PDXK: variants seen among roughly 807,000 people sequenced by gnomAD.
PDXK encodes the protein epididymis secretory sperm binding protein Li 1a.
Under a neutral mutation model 43.2 loss-of-function variants are expected in PDXK, and 15 were observed. The observed-to-expected ratio is 0.35, with a 90% CI of 0.23 to 0.53. The LOEUF (loss-of-function observed/expected upper bound fraction) is 0.53, where lower values mean the gene tolerates loss of function less well. PDXK is among the 20% of genes least tolerant of loss of function. The probability of loss-of-function intolerance (pLI) is 0.92; values close to 1 mark genes in which losing one functional copy is unlikely to be tolerated. For synonymous variants in PDXK, 172 were observed against 165.4 expected (o/e 1.04, Z -0.31); for missense variants, 343 against 417.0 (o/e 0.82, Z 1.54).
Position 43,758,102 on chromosome 21 carries a change from G to A in PDXK, c.*2039G>A, listed in dbSNP as rs2147335463. On this transcript the variant is annotated 3_prime_UTR_variant, in exon 11 of 11. Transcript: ENST00000291565. ...AGCATGAGAACGCAGTGTCAGGTGT[G>A]GGACTCCTTCTGCCCCTGCAGTGGG... The A allele has an allele frequency of 6.5e-6, 1 of 153,736 alleles. No individual in the cohort carries two copies. The highest frequency in any genetic ancestry group is 1.5e-5 in the Non-Finnish European group (1 of 68,020). 9.5% of individuals were successfully genotyped at this position (153,736 alleles called of 1,614,324 possible). A position where few individuals can be genotyped will look rare whatever the true frequency, so the allele number is the denominator to read the frequency against.
chr21:43,721,023 G>C (rs1009055874), intron 1 of PDXK, among the ~76,000 whole-genome samples: 4 of 152,226 alleles, frequency 2.6e-5, no homozygotes, highest in African/African-American at 9.6e-5. Flanking sequence ...TGGCGCTGCT[G>C]TTCCTACCTC....
At position 43,756,250 on chromosome 21, in the gene PDXK, G is replaced by A. The variant is rs1366072132; in HGVS notation, c.*187G>A. Reference sequence around the variant, plus strand: ...GTGCTTTGTGAAAAATAACAAAGTGGTCACAGAAATTTGTGATCTGAAAAC... The same window carrying A: ...GTGCTTTGTGAAAAATAACAAAGTGATCACAGAAATTTGTGATCTGAAAAC... On this transcript the variant is annotated 3_prime_UTR_variant, in exon 11 of 11. Transcript: ENST00000291565. 4 of 498,576 alleles carry A rather than the reference G, an allele frequency of 8.0e-6. No individual in the cohort carries two copies. In the Admixed American group the frequency reaches 1.4e-4, roughly 18 times the overall value. 30.9% of individuals were successfully genotyped at this position (498,576 alleles called of 1,614,324 possible). A position where few individuals can be genotyped will look rare whatever the true frequency, so the allele number is the denominator to read the frequency against.
chr21:43,730,525 C>T (rs1440950569), intron 1 of PDXK, among the ~76,000 whole-genome samples: 1 of 152,192 alleles, frequency 6.6e-6, no homozygotes, highest in African/African-American at 2.4e-5. Context: ...AAGAGCTGTG[C>T]AGCAGCCTCT....
intron 1 of PDXK, among the ~76,000 whole-genome samples, chr21:43,730,206 ACCT>A (rs1310967957): frequency 1.3e-5 from 2 of 150,850 alleles, no homozygotes. Flanking sequence ...GCTCACTGCA[ACCT>A]CCGCCTCCCA....
In PDXK at chr21:43,737,350, G is replaced by A; in HGVS notation, c.142+3227G>A. 7.7e-7 allele frequency: 1 copy of A among 1,304,634 alleles called. No individual in the cohort carries two copies. The highest frequency in any genetic ancestry group is 9.8e-7 in the Non-Finnish European group (1 of 1,022,870). 80.8% of individuals were successfully genotyped at this position (1,304,634 alleles called of 1,614,324 possible). ...CCCCGGCCAGGCCCCCGTTCCTTGA[G>A]GCCGTACCACAAGGTGCGTTCATTT... On this transcript the variant is annotated intron_variant, in intron 2 of 10. Coordinates refer to ENST00000291565, the MANE Select transcript of PDXK (RefSeq NM_003681.5). This position sits in a 1 kb window ranked among gnomAD's most constrained non-coding sequence, Gnocchi z 4.8.
At chr21:43,743,693 T>C (rs985272050) in intron 3 of PDXK, 31 bp from the exon 4 acceptor site, 8 of 1,504,990 alleles carry the variant, frequency 5.3e-6, no homozygotes, top group Non-Finnish European at 7.4e-6. Context: ...TCTCCTGTTT[T>C]CTGAGGGTGA....
intron 2 of PDXK, among the ~76,000 whole-genome samples, chr21:43,740,452 C>T (rs1397321437): frequency 6.6e-6 from 1 of 152,048 alleles, no homozygotes; most frequent in Non-Finnish European, 1.5e-5. Flanking sequence ...AAAAGGCATG[C>T]ATTAGAGGGG....
rs3216365 is a variant in PDXK at position 43,734,293 on chromosome 21, CAG to C, written c.142+171_142+172del. Among the ~76,000 whole-genome samples, 22,138 of 151,468 alleles carry C rather than the reference CAG, an allele frequency of 0.15. 2,029 individuals are homozygous for C. Among genetic ancestry groups the C allele is most frequent in the East Asian group, 0.42 (2,136 of 5,064 alleles). The stretch of plus-strand genomic sequence containing the variant: ...CTCGGGCAGAGCCTGCACAGCATAT[CAG>C]GGTGTAGGCCTGGGTGGCCTCGCCT... On this transcript the variant is annotated intron_variant, in intron 2 of 10. Coordinates refer to ENST00000291565, the MANE Select transcript of PDXK (RefSeq NM_003681.5). The surrounding 1 kb of genome is among the most constrained non-coding windows in gnomAD (Gnocchi z 5.0).
chr21:43,736,376 C>G (rs1170219942), intron 2 of PDXK, among the ~76,000 whole-genome samples: 1 of 152,168 alleles, frequency 6.6e-6, no homozygotes, highest in Non-Finnish European at 1.5e-5. Context: ...TCGTGCGTGC[C>G]CAGGACCAGC....
rs1317184066 is a variant in PDXK at position 43,761,054 on chromosome 21, TAAG to T, written c.*4995_*4997del. ...TCAATATCTTAAAAATGTATATTAG[TAAG>T]AAGTTCTTCCTGGAATTTTTCTTTC... On this transcript the variant is annotated 3_prime_UTR_variant, in exon 11 of 11. Coordinates refer to ENST00000291565, the MANE Select transcript of PDXK (RefSeq NM_003681.5). The T allele has an allele frequency of 1.3e-5, 2 of 152,226 alleles. No individual in the cohort carries two copies. Among genetic ancestry groups the T allele is most frequent in the East Asian group, 3.8e-4 (2 of 5,200 alleles). 9.4% of individuals were successfully genotyped at this position (152,226 alleles called of 1,614,324 possible).
rs1162418069 is a variant in PDXK, at chr21:43,759,370, CAA to C, written c.*3309_*3310del. 2.6e-5 allele frequency: 4 copies of C among 153,776 alleles called. No individual in the cohort carries two copies. Among genetic ancestry groups the C allele is most frequent in the African/African-American group, 4.8e-5 (2 of 41,444 alleles). The allele number at this position is 153,776 out of a possible 1,614,324, so 9.5% of individuals were successfully genotyped here. A position where few individuals can be genotyped will look rare whatever the true frequency, so the allele number is the denominator to read the frequency against. On this transcript the variant is annotated 3_prime_UTR_variant, in exon 11 of 11. Coordinates refer to ENST00000291565, the MANE Select transcript of PDXK (RefSeq NM_003681.5). ...TCATTCTCTCTTTAGTTTAACTATG[CAA>C]AGAGAGGAGGTTGAGAGTGTTCTGG...
At chr21:43,750,981 C>T (rs1222715954) in intron 7 of PDXK, among the ~76,000 whole-genome samples, 2 of 133,360 alleles carry the variant, frequency 1.5e-5, no homozygotes. Context: ...TGTGTGTGTG[C>T]ACATGTGTGT....
At chr21:43,733,178 A>C (rs2083343062) in intron 1 of PDXK, among the ~76,000 whole-genome samples, 1 of 151,790 alleles carries the variant, frequency 6.6e-6, no homozygotes, top group African/African-American at 2.4e-5. Context: ...AGATAGCTCA[A>C]CTCATCATCA....
chr21:43,732,463 A>G lies in PDXK; in HGVS notation c.88-1606A>G. 1 of 1,608,260 alleles carries G rather than the reference A, an allele frequency of 6.2e-7. No individual in the cohort carries two copies. Among genetic ancestry groups the G allele is most frequent in the Non-Finnish European group, 8.5e-7 (1 of 1,175,642 alleles). On this transcript the variant is annotated intron_variant, in intron 1 of 10. Coordinates refer to ENST00000291565, the MANE Select transcript of PDXK (RefSeq NM_003681.5). The surrounding 1 kb of genome is among the most constrained non-coding windows in gnomAD (Gnocchi z 4.1). ...ATGGGGTGTGTGAAACGGAGATGCC[A>G]GCCCAGGGGCTCAGCTTGCTCGTGC... is the stretch of plus-strand genomic sequence containing the variant.
chr21:43,734,073 T>C lies in PDXK; in HGVS notation c.92T>C (p.Leu31Ser). 1 of 1,614,166 alleles carries C rather than the reference T, an allele frequency of 6.2e-7. No homozygotes were observed. Among genetic ancestry groups the C allele is most frequent in the Non-Finnish European group, 8.5e-7 (1 of 1,179,974 alleles). Residue 31 changes from leucine to serine, a missense_variant, in exon 2 of 11, where the codon TTG becomes TCG. Coordinates refer to ENST00000291565, the MANE Select transcript of PDXK (RefSeq NM_003681.5). This position sits in a 1 kb window ranked among gnomAD's most constrained non-coding sequence, Gnocchi z 5.0. ...NRAATFPLQV[L>S]GFEIDAVNSV... ...TGTTCCTTCTCTGTCTTGCAGGTTT[T>C]GGGATTTGAGATTGACGCGGTGAAC...
At position 43,743,766 on chromosome 21, in the gene PDXK, T is replaced by C; in HGVS notation, c.290T>C (p.Ile97Thr). The change falls in exon 4 of 11, where the codon ATT becomes ACT. Residue 97 changes from isoleucine (I) to threonine (T), a missense_variant. Physicochemically the swap from Ile to Thr is moderately conservative, Grantham distance 89. Transcript: ENST00000291565. The stretch of plus-strand genomic sequence containing the variant: ...TCGTTCCTGGCCATGGTGGTGGACA[T>C]TGTGCAGGAGCTGAAGCAGCAGAAC... ...DKSFLAMVVD[I>T]VQELKQQNPR... The C allele has an allele frequency of 6.2e-7, 1 of 1,613,790 alleles. No homozygotes were observed. Among genetic ancestry groups the C allele is most frequent in the Non-Finnish European group, 8.5e-7 (1 of 1,179,818 alleles).
Position 43,756,854 on chromosome 21 carries a change from C to G in PDXK, c.*791C>G, listed in dbSNP as rs1322067370. ...TGCTGGGCCAAGAGCAGCTTTGAAG[C>G]TCCAGAGAACCACCCCGTCAGGTTC... On this transcript the variant is annotated 3_prime_UTR_variant, in exon 11 of 11. Coordinates refer to ENST00000291565, the MANE Select transcript of PDXK (RefSeq NM_003681.5). 6.6e-6 allele frequency: 1 copy of G among 152,362 alleles called. No individual in the cohort carries two copies. Among genetic ancestry groups the G allele is most frequent in the Non-Finnish European group, 1.5e-5 (1 of 68,110 alleles). The allele number at this position is 152,362 out of a possible 1,614,324, so 9.4% of individuals were successfully genotyped here. A position where few individuals can be genotyped will look rare whatever the true frequency, so the allele number is the denominator to read the frequency against.
chr21:43,745,543 T>C (rs1378062913), intron 4 of PDXK, among the ~76,000 whole-genome samples: 1 of 151,862 alleles, frequency 6.6e-6, no homozygotes, highest in Non-Finnish European at 1.5e-5. Flanking sequence ...TGGAGGTGGA[T>C]GGTGGTCGTG....
intron 2 of PDXK, chr21:43,741,045 G>C (rs1338195520): frequency 6.8e-6 from 1 of 146,076 alleles, no homozygotes; most frequent in South Asian, 2.2e-4. Context: ...GAGCTGGTGT[G>C]TCTCTCCCCA....
Sources: gnomAD v4.1 joint callset for allele counts (sites outside exome capture counted in the v4.1 genomes callset) on GRCh38, gnomAD v4.1.1 for gene constraint, Gnocchi (gnomAD v3.1) non-coding constraint, MANE v1.5 for transcripts, NCBI Gene and HGNC (gene_info 2026-07-23, HGNC 2026-07-21) for gene names.